ATRNL1: variants seen among roughly 807,000 people sequenced by gnomAD.
ATRNL1 encodes attractin like 1.
In ATRNL1, 95 loss-of-function variants were observed where a neutral mutation model predicts 182.7. That is an observed-to-expected ratio of 0.52 (90% CI 0.44 to 0.62). ATRNL1 has a LOEUF of 0.62. ATRNL1 is among the 20% of genes least tolerant of loss of function. The probability of loss-of-function intolerance (pLI) is 0.00; values close to 1 mark genes in which losing one functional copy is unlikely to be tolerated. For missense variants in ATRNL1, 1,471 were observed against 1,679.5 expected (o/e 0.88, Z 2.17); for synonymous variants, 576 against 568.3 (o/e 1.01, Z -0.19).
At chr10:115,894,699 A>G (rs144319591) in intron 28 of ATRNL1, among the ~76,000 whole-genome samples, 146 of 152,336 alleles carry the variant, frequency 9.6e-4, no homozygotes, top group Non-Finnish European at 1.8e-3. Flanking sequence ...ACCCACAATA[A>G]TACTCCTGGA....
chr10:115,207,217 C>T (rs530867173), intron 8 of ATRNL1, among the ~76,000 whole-genome samples: 222 of 152,288 alleles, frequency 1.5e-3, no homozygotes, highest in Non-Finnish European at 2.4e-3. Flanking sequence ...AATGGGATGG[C>T]TGGGTCAAAT....
At chr10:115,146,389 G>A (rs2143857975) in intron 5 of ATRNL1, among the ~76,000 whole-genome samples, 1 of 152,092 alleles carries the variant, frequency 6.6e-6, no homozygotes, top group East Asian at 1.9e-4. Context: ...GTGAGTATTT[G>A]TTATCCGCAT....
intron 5 of ATRNL1, among the ~76,000 whole-genome samples, chr10:115,153,396 C>T (rs1219825405): frequency 1.3e-5 from 2 of 150,144 alleles, no homozygotes; most frequent in Non-Finnish European, 3.0e-5. Flanking sequence ...AATTTCAGAG[C>T]CTGGTCTATT....
intron 21 of ATRNL1, among the ~76,000 whole-genome samples, chr10:115,432,484 T>C (rs1403662486): frequency 6.6e-6 from 1 of 152,168 alleles, no homozygotes; most frequent in African/African-American, 2.4e-5. Flanking sequence ...ACAATAACTC[T>C]TGTAATAATG....
At chr10:115,701,407 A>G (rs1199837886) in intron 26 of ATRNL1, among the ~76,000 whole-genome samples, 2 of 152,032 alleles carry the variant, frequency 1.3e-5, no homozygotes, top group Admixed American at 6.6e-5. Context: ...CTAGAAAAAC[A>G]AAAACTAACC....
Position 115,152,845 on chromosome 10 carries a change from G to A in ATRNL1, c.830-7195G>A, listed in dbSNP as rs1846307263. 2.6e-5 allele frequency among the ~76,000 whole-genome samples: 4 copies of A among 152,102 alleles called. No homozygotes were observed. In the South Asian group the frequency reaches 8.3e-4, roughly 31 times the overall value. On this transcript the variant is annotated intron_variant, in intron 5 of 28. Coordinates refer to ENST00000355044, the MANE Select transcript of ATRNL1 (RefSeq NM_207303.4). ...TTGCCCATTCAATATCATATTGGCTGTGGGTTTGTCATAAATACCTCTTAT... is the reference window on the plus strand; with the variant it reads ...TTGCCCATTCAATATCATATTGGCTATGGGTTTGTCATAAATACCTCTTAT...
chr10:115,613,929 A>T (rs2133784966), intron 26 of ATRNL1, among the ~76,000 whole-genome samples: 1 of 151,862 alleles, frequency 6.6e-6, no homozygotes, highest in East Asian at 1.9e-4. Context: ...ACTCTAACTA[A>T]TAATTTATTG....
chr10:115,495,699 C>A (rs1849511948), intron 24 of ATRNL1, among the ~76,000 whole-genome samples: 1 of 94,022 alleles, frequency 1.1e-5, no homozygotes. Flanking sequence ...GGTATGATTT[C>A]AGTTTTTTTT....
In ATRNL1 at chr10:115,469,166, T is replaced by C; in HGVS notation, c.3497-6T>C. Reference sequence around the variant, plus strand: ...ATATTAATTATTTAAATTATTTACATTTTAGCTGGAACAATATCTGGGGAA... The same window carrying C: ...ATATTAATTATTTAAATTATTTACACTTTAGCTGGAACAATATCTGGGGAA... On this transcript the variant is annotated splice_region_variant and splice_polypyrimidine_tract_variant and intron_variant, in intron 23 of 28. Transcript: ENST00000355044. 4.5e-6 allele frequency: 5 copies of C among 1,115,976 alleles called. No individual in the cohort carries two copies. Among genetic ancestry groups the C allele is most frequent in the Non-Finnish European group, 6.0e-6 (5 of 830,282 alleles). The allele number at this position is 1,115,976 out of a possible 1,614,324, so 69.1% of individuals were successfully genotyped here.
In ATRNL1 at chr10:115,712,105, A is replaced by C. The variant is rs11197414; in HGVS notation, c.3796-15143A>C. 2.0e-3 allele frequency among the ~76,000 whole-genome samples: 305 copies of C among 152,330 alleles called. 7 individuals carry two copies. The East Asian group carries it at 0.054, about 27-fold the overall frequency. On this transcript the variant is annotated intron_variant, in intron 26 of 28. Transcript: ENST00000355044. ...TCAGCCATAAGCACTCACCATTCAC[A>C]GGAAGAGTTGGGATTGTCTGTTTCT...
At chr10:115,803,332 A>G (rs1441405347) in intron 27 of ATRNL1, among the ~76,000 whole-genome samples, 1 of 152,154 alleles carries the variant, frequency 6.6e-6, no homozygotes, top group Non-Finnish European at 1.5e-5. Context: ...GATATAATAT[A>G]TTGCATTAAC....
At chr10:115,604,987 A>G (rs200133258) in intron 26 of ATRNL1, among the ~76,000 whole-genome samples, 1 of 152,184 alleles carries the variant, frequency 6.6e-6, no homozygotes, top group East Asian at 1.9e-4. Flanking sequence ...CAGGTCCTAA[A>G]TAATAGAGGA....
intron 20 of ATRNL1, among the ~76,000 whole-genome samples, chr10:115,425,215 TC>T (rs1554962636): frequency 1.3e-5 from 2 of 151,934 alleles, no homozygotes; most frequent in African/African-American, 4.8e-5. Context: ...ATTCTACTAT[TC>T]CTCTGTTCTT....
At chr10:115,425,831 C>G (rs781912906) in intron 20 of ATRNL1, among the ~76,000 whole-genome samples, 3 of 151,948 alleles carry the variant, frequency 2.0e-5, no homozygotes, top group African/African-American at 7.2e-5. Context: ...TAATTTCAAA[C>G]AATACCACAA....
intron 21 of ATRNL1, among the ~76,000 whole-genome samples, chr10:115,453,838 C>T (rs1554968153): frequency 1.1e-4 from 16 of 150,770 alleles, no homozygotes; most frequent in African/African-American, 3.7e-4. Flanking sequence ...AGGAGATATA[C>T]CTAATGCTAA....
chr10:115,536,477 G>A (rs185133369), intron 25 of ATRNL1, among the ~76,000 whole-genome samples: 3 of 150,442 alleles, frequency 2.0e-5, no homozygotes, highest in Non-Finnish European at 2.9e-5. Context: ...GCGCAGTATT[G>A]GGGTGGGCTT....
At chr10:115,679,354 G>A (rs1194074367) in intron 26 of ATRNL1, among the ~76,000 whole-genome samples, 1 of 151,510 alleles carries the variant, frequency 6.6e-6, no homozygotes, top group Non-Finnish European at 1.5e-5. Flanking sequence ...TGTTCCTTTT[G>A]CAGTACAACC....
chr10:115,661,789 A>G (rs1555037900), intron 26 of ATRNL1, among the ~76,000 whole-genome samples: 2 of 152,010 alleles, frequency 1.3e-5, no homozygotes, highest in African/African-American at 4.8e-5. Context: ...TTTTTATTAT[A>G]CTTTAAGTTT....
At position 115,093,589 on chromosome 10, in the gene ATRNL1, T is replaced by C. The variant is rs1554862114; in HGVS notation, c.-162T>C. 4 of 811,880 alleles carry C rather than the reference T, an allele frequency of 4.9e-6. No individual in the cohort carries two copies. In the East Asian group the frequency reaches 1.2e-4, roughly 24 times the overall value. 50.3% of individuals were successfully genotyped at this position (811,880 alleles called of 1,614,324 possible). On this transcript the variant is annotated 5_prime_UTR_variant, in exon 1 of 29. Transcript: ENST00000355044. This position sits in a 1 kb window ranked among gnomAD's most constrained non-coding sequence, Gnocchi z 6.1. The stretch of plus-strand genomic sequence containing the variant: ...GGCAGCCGAGCGGAGGCGACGGCGG[T>C]TGGGATCTGTCCCTCCTGACCGGGG...
Sources: gnomAD v4.1 joint callset for allele counts (sites outside exome capture counted in the v4.1 genomes callset) on GRCh38, gnomAD v4.1.1 for gene constraint, Gnocchi (gnomAD v3.1) non-coding constraint, MANE v1.5 for transcripts, NCBI Gene and HGNC (gene_info 2026-07-23, HGNC 2026-07-21) for gene names.